The following DCAF1 variants were observed in gnomAD, a reference collection of about 807,000 sequenced individuals.
DCAF1 encodes the protein DDB1 and CUL4 associated factor 1, also known as DDB1- and CUL4-associated factor 1.
A neutral mutation model predicts 128.0 loss-of-function variants in DCAF1; 15 were observed. The ratio of observed to expected loss-of-function variants is 0.12; its 90% CI spans 0.08 to 0.18. DCAF1 has a LOEUF of 0.18. Ranked by LOEUF, DCAF1 falls within the 10% of genes least tolerant of loss-of-function variation. The pLI is 1.00. For synonymous variants in DCAF1, 610 were observed against 603.0 expected, an observed-to-expected ratio of 1.01 and a Z score of -0.17; for missense variants, 988 against 1,649.5, an observed-to-expected ratio of 0.60 and a Z score of 6.95.
chr3:51,434,946 G>A (rs1700684307), intron 9 of DCAF1, among the ~76,000 whole-genome samples: 2 of 152,046 alleles, frequency 1.3e-5, no homozygotes, highest in East Asian at 1.9e-4. Flanking sequence ...ATGCCAAGGT[G>A]TCTTCCAGGT....
chr3:51,439,505 G>A (rs575571110), intron 9 of DCAF1, among the ~76,000 whole-genome samples: 7 of 141,130 alleles, frequency 5.0e-5, no homozygotes, highest in Admixed American at 2.2e-4. Flanking sequence ...ACAATGGCAC[G>A]ATCTCTGCTC....
chr3:51,436,440 C>CA (rs1700839133), intron 9 of DCAF1: 1 of 519,888 alleles, frequency 1.9e-6, no homozygotes, highest in African/African-American at 1.9e-5. Context: ...GGAATTATGA[C>CA]ACTGAGCCAT....
intron 4 of DCAF1, among the ~76,000 whole-genome samples, chr3:51,468,649 C>T (rs894391768): frequency 6.6e-6 from 1 of 152,148 alleles, no homozygotes; most frequent in Admixed American, 6.5e-5. Flanking sequence ...AAGAAAGAAA[C>T]ATCAGAGAAA....
chr3:51,402,414 T>C (rs1304291981), intron 24 of DCAF1, among the ~76,000 whole-genome samples: 6 of 151,936 alleles, frequency 3.9e-5, no homozygotes, highest in Non-Finnish European at 8.8e-5. Flanking sequence ...GAAGCAGGAG[T>C]TGACAAACTA....
At position 51,413,315 on chromosome 3, in the gene DCAF1, G is replaced by T; in HGVS notation, c.4003C>A (p.Arg1335=). Residue 1335 remains arginine, a synonymous_variant, in exon 21 of 25, where the codon CGA becomes AGA. Transcript: ENST00000684031. ...TTGTAGTCAGTTGCATTAAATGTTC[G>T]GAAGGATGACCCAAAGGGGCTTTTC... ...RMKSPFGSSF[R]TFNATDYKPI... is the part of the protein sequence containing the mutation. 2 of 1,613,502 alleles carry T rather than the reference G, an allele frequency of 1.2e-6. No individual in the cohort carries two copies. The highest frequency in any genetic ancestry group is 8.5e-7 in the Non-Finnish European group (1 of 1,179,744).
chr3:51,397,911 C>T lies in DCAF1; in HGVS notation c.*858G>A, dbSNP rs972660862. 10 of 166,422 alleles carry T rather than the reference C, an allele frequency of 6.0e-5. 1 individual carries two copies. The Admixed American group carries it at 6.5e-4, about 11-fold the overall frequency. The allele number at this position is 166,422 out of a possible 1,614,324, so 10.3% of individuals were successfully genotyped here. ...ATACACTTTACATTAAAGAAAAAGG[C>T]CTTTGATTTGTAATTTCCACAATGG... On this transcript the variant is annotated 3_prime_UTR_variant, in exon 25 of 25. Transcript: ENST00000684031.
chr3:51,458,181 GAC>G (rs1241586537), intron 6 of DCAF1, among the ~76,000 whole-genome samples: 2 of 152,078 alleles, frequency 1.3e-5, no homozygotes, highest in African/African-American at 2.4e-5. Context: ...CTCACATGCA[GAC>G]ACACACATAG....
intron 9 of DCAF1, among the ~76,000 whole-genome samples, chr3:51,435,202 T>C (rs1185590035): frequency 2.0e-5 from 3 of 152,198 alleles, no homozygotes; most frequent in Non-Finnish European, 2.9e-5. Flanking sequence ...CCCATTATAA[T>C]TCTCCACACA....
At chr3:51,414,594 T>C (rs1553629626) in intron 19 of DCAF1, 30 bp downstream of exon 19, 1 of 1,602,588 alleles carries the variant, frequency 6.2e-7, no homozygotes, top group Non-Finnish European at 8.5e-7. Context: ...AGACAACAAA[T>C]GGAAGGTAAG....
intron 11 of DCAF1, 112 bp downstream of exon 11, chr3:51,429,921 A>G (rs1700226196): frequency 3.2e-6 from 2 of 629,412 alleles, no homozygotes; most frequent in East Asian, 2.6e-5. Context: ...AAAGAATGGC[A>G]GCAAAACTCC....
chr3:51,403,626 T>A (rs1300614532), intron 23 of DCAF1, among the ~76,000 whole-genome samples: 1 of 152,320 alleles, frequency 6.6e-6, no homozygotes, highest in African/African-American at 2.4e-5. Context: ...AATGGTCACA[T>A]AGCCCTTATG....
intron 6 of DCAF1, among the ~76,000 whole-genome samples, chr3:51,454,330 T>C (rs1004967380): frequency 6.6e-6 from 1 of 152,170 alleles, no homozygotes; most frequent in Non-Finnish European, 1.5e-5. Flanking sequence ...ATTACAGATA[T>C]GAGCCAACTC....
chr3:51,487,693 C>T (rs2108480047), intron 2 of DCAF1, among the ~76,000 whole-genome samples: 1 of 151,890 alleles, frequency 6.6e-6, no homozygotes, highest in East Asian at 1.9e-4. Flanking sequence ...TCTCTCTCTC[C>T]TCTTTCCTCT....
chr3:51,396,060 T>TC (rs2089180671), downstream of DCAF1: 1 of 411,570 alleles, frequency 2.4e-6, no homozygotes, highest in African/African-American at 2.1e-5. Flanking sequence ...CCTGCAGCTC[T>TC]CCAACAAACG....
intron 9 of DCAF1, chr3:51,436,456 C>T (rs1437096781): frequency 1.9e-6 from 1 of 519,540 alleles, no homozygotes; most frequent in African/African-American, 1.9e-5. Context: ...GCCATGTCAG[C>T]CATAACCCTT....
intron 3 of DCAF1, among the ~76,000 whole-genome samples, chr3:51,475,373 G>A (rs1301051880): frequency 2.0e-5 from 3 of 152,098 alleles, no homozygotes; most frequent in Non-Finnish European, 4.4e-5. Context: ...AGGCCAAGGT[G>A]GGAAAATCAC....
chr3:51,497,613 A>T lies in DCAF1; in HGVS notation c.-55-833T>A, dbSNP rs117141439. Reference sequence around the variant, plus strand: ...AAAAAAAGAAAAAAAAATTTTTTTTAAATTGACAGGCACAGTGGCTCAAGC... The same window carrying T: ...AAAAAAAGAAAAAAAAATTTTTTTTTAATTGACAGGCACAGTGGCTCAAGC... On this transcript the variant is annotated intron_variant, in intron 1 of 24. Transcript: ENST00000684031. 5.5e-3 allele frequency among the ~76,000 whole-genome samples: 843 copies of T among 151,966 alleles called. 10 individuals carry two copies. Among genetic ancestry groups the T allele is most frequent in the East Asian group, 0.035 (180 of 5,160 alleles).
At chr3:51,408,826 T>C (rs1470955954) in intron 23 of DCAF1, among the ~76,000 whole-genome samples, 2 of 152,214 alleles carry the variant, frequency 1.3e-5, no homozygotes, top group Non-Finnish European at 2.9e-5. Flanking sequence ...CCTTCAAACA[T>C]GAAATGCACC....
intron 9 of DCAF1, chr3:51,437,495 G>A: frequency 1.0e-5 from 4 of 398,428 alleles, no homozygotes; most frequent in South Asian, 7.3e-5. Context: ...TGAGAGATGA[G>A]GTCATTAAAA....
Sources: gnomAD v4.1 joint callset for allele counts (sites outside exome capture counted in the v4.1 genomes callset) on GRCh38, gnomAD v4.1.1 for gene constraint, MANE v1.5 for transcripts, NCBI Gene and HGNC (gene_info 2026-07-23, HGNC 2026-07-21) for gene names.